RASGRP1: variants seen among roughly 807,000 people sequenced by gnomAD.
The protein encoded by RASGRP1 is RAS guanyl releasing protein 1.
A neutral mutation model predicts 95.1 loss-of-function variants in RASGRP1; 37 were observed. That is an observed-to-expected ratio of 0.39 (90% CI 0.30 to 0.51). The LOEUF (loss-of-function observed/expected upper bound fraction) is 0.51. Among genes scored for constraint, RASGRP1 ranks in the 20% least tolerant of loss-of-function variants. The pLI is 0.80. For missense variants in RASGRP1, 711 were observed against 965.4 expected, an observed-to-expected ratio of 0.74 and a Z score of 3.49; for synonymous variants, 325 against 353.4, an observed-to-expected ratio of 0.92 and a Z score of 0.90.
chr15:38,555,678 C>T (rs1334967559), intron 2 of RASGRP1, among the ~76,000 whole-genome samples: 3 of 61,640 alleles, frequency 4.9e-5, no homozygotes, highest in South Asian at 1.0e-3. Flanking sequence ...TCTGACCTGC[C>T]TATTTCAGAG....
intron 1 of RASGRP1, 32 bp downstream of exon 1, chr15:38,564,562 C>A (rs1198426684): frequency 1.5e-6 from 2 of 1,360,224 alleles, no homozygotes; most frequent in Admixed American, 2.9e-5. Context: ...AGGACACAGG[C>A]GCTCCCGAGG....
At chr15:38,534,286 A>T (rs1045625365) in intron 2 of RASGRP1, 4 of 152,188 alleles carry the variant, frequency 2.6e-5, no homozygotes, top group African/African-American at 9.7e-5. Flanking sequence ...CAAAAATGTT[A>T]ATATAAGGTG....
intron 10 of RASGRP1, among the ~76,000 whole-genome samples, chr15:38,505,515 G>C (rs889184627): frequency 3.9e-5 from 6 of 152,136 alleles, no homozygotes; most frequent in Non-Finnish European, 7.4e-5. Context: ...GTGCACAATA[G>C]TATCTTCCTT....
At chr15:38,520,988 G>T (rs1891979375) in intron 3 of RASGRP1, among the ~76,000 whole-genome samples, 1 of 151,900 alleles carries the variant, frequency 6.6e-6, no homozygotes, top group Admixed American at 6.6e-5. Context: ...TTAGATCAGA[G>T]CACCAAAACA....
At chr15:38,543,999 A>C (rs1893011905) in intron 2 of RASGRP1, among the ~76,000 whole-genome samples, 1 of 152,132 alleles carries the variant, frequency 6.6e-6, no homozygotes, top group African/African-American at 2.4e-5. Flanking sequence ...AATATTGATA[A>C]TTTGAATTAT....
intron 2 of RASGRP1, among the ~76,000 whole-genome samples, chr15:38,546,619 G>A (rs78018657): frequency 0.021 from 3,180 of 152,244 alleles, 65 homozygotes; most frequent in East Asian, 0.096. Context: ...CTGAGTCTCC[G>A]AAACATTAAG....
At chr15:38,521,077 T>A (rs964252960) in intron 3 of RASGRP1, among the ~76,000 whole-genome samples, 17 of 152,162 alleles carry the variant, frequency 1.1e-4, no homozygotes, top group African/African-American at 3.9e-4. Context: ...GCAAACTTCA[T>A]GAAGTAGAAA....
At chr15:38,500,592 T>C (rs62003592) in intron 13 of RASGRP1, among the ~76,000 whole-genome samples, 1,706 of 152,120 alleles carry the variant, frequency 0.011, 20 homozygotes, top group Non-Finnish European at 0.019. Context: ...GTGATCTGCC[T>C]GCCTTGGCCT....
chr15:38,501,977 C>G (rs1404966542), intron 12 of RASGRP1, among the ~76,000 whole-genome samples: 1 of 151,918 alleles, frequency 6.6e-6, no homozygotes, highest in Non-Finnish European at 1.5e-5. Flanking sequence ...GCCTCAGCCT[C>G]CCGAGTAGCT....
At chr15:38,557,035 A>T (rs1269803264) in intron 2 of RASGRP1, among the ~76,000 whole-genome samples, 1 of 152,212 alleles carries the variant, frequency 6.6e-6, no homozygotes, top group Admixed American at 6.5e-5. Flanking sequence ...AAAGCTAGCT[A>T]GACTGCTTTA....
intron 2 of RASGRP1, 85 bp from the exon 3 acceptor site, chr15:38,526,489 A>C: frequency 2.1e-6 from 2 of 961,154 alleles, no homozygotes; most frequent in Non-Finnish European, 3.2e-6. Context: ...TCTGTGACTC[A>C]GGTGCAATCC....
chr15:38,547,773 G>C (rs1394928379), intron 2 of RASGRP1, among the ~76,000 whole-genome samples: 1 of 152,106 alleles, frequency 6.6e-6, no homozygotes, highest in African/African-American at 2.4e-5. Context: ...GCCATGTGAC[G>C]TGGCCTCCAT....
At chr15:38,540,541 C>T (rs1393739655) in intron 2 of RASGRP1, among the ~76,000 whole-genome samples, 1 of 152,146 alleles carries the variant, frequency 6.6e-6, no homozygotes, top group Admixed American at 6.5e-5. Context: ...GAAATTAAGA[C>T]AGTTTTTAAG....
At chr15:38,503,224 G>C (rs1476646653) in intron 11 of RASGRP1, 48 bp downstream of exon 11, 1 of 1,454,662 alleles carries the variant, frequency 6.9e-7, no homozygotes, top group African/African-American at 1.4e-5. Context: ...ATACAAAACT[G>C]AGCCAGGCAA....
intron 2 of RASGRP1, among the ~76,000 whole-genome samples, chr15:38,535,925 T>C (rs532818154): frequency 2.6e-5 from 4 of 152,224 alleles, no homozygotes; most frequent in Non-Finnish European, 4.4e-5. Context: ...GTTCTGGAAA[T>C]TGGACACAAG....
At chr15:38,536,812 G>A (rs530568316) in intron 2 of RASGRP1, among the ~76,000 whole-genome samples, 2 of 152,206 alleles carry the variant, frequency 1.3e-5, no homozygotes, top group African/African-American at 2.4e-5. Context: ...GAACAGTCTC[G>A]TACAAAAAAA....
chr15:38,554,672 C>A lies in RASGRP1; in HGVS notation c.220+5149G>T, dbSNP rs183296572. Among the ~76,000 whole-genome samples the A allele has an allele frequency of 1.2e-4, 19 of 152,300 alleles. No homozygotes were observed. In the East Asian group the frequency reaches 3.7e-3, roughly 29 times the overall value. On this transcript the variant is annotated intron_variant, in intron 2 of 16. Coordinates refer to ENST00000310803, the MANE Select transcript of RASGRP1 (RefSeq NM_005739.4). ...CTGCTCATCAAAGATGCAGCAAAGGCCTCCTTGGAATAAATAGTGTCCAGT... is the reference window on the plus strand; with the variant it reads ...CTGCTCATCAAAGATGCAGCAAAGGACTCCTTGGAATAAATAGTGTCCAGT...
chr15:38,515,996 G>A (rs1891763685), intron 6 of RASGRP1, among the ~76,000 whole-genome samples: 1 of 151,900 alleles, frequency 6.6e-6, no homozygotes, highest in African/African-American at 2.4e-5. Flanking sequence ...CATGGAAGAA[G>A]AGAGATGGGA....
chr15:38,550,894 G>A (rs529006077), intron 2 of RASGRP1, among the ~76,000 whole-genome samples: 10 of 152,092 alleles, frequency 6.6e-5, no homozygotes, highest in Non-Finnish European at 1.3e-4. Context: ...TGGTGAACAT[G>A]AATAATTTTA....
Sources: gnomAD v4.1 joint callset for allele counts (sites outside exome capture counted in the v4.1 genomes callset) on GRCh38, gnomAD v4.1.1 for gene constraint, MANE v1.5 for transcripts, NCBI Gene and HGNC (gene_info 2026-07-23, HGNC 2026-07-21) for gene names.